ST8SIA1: variants seen among roughly 807,000 people sequenced by gnomAD.
The protein encoded by ST8SIA1 is ST8 alpha-N-acetyl-neuraminide alpha-2,8-sialyltransferase 1, also known as alpha-N-acetylneuraminide alpha-2,8-sialyltransferase.
A neutral mutation model predicts 35.9 loss-of-function variants in ST8SIA1; 16 were observed. The observed-to-expected ratio is 0.45, with a 90% CI of 0.30 to 0.68. The LOEUF (loss-of-function observed/expected upper bound fraction) is 0.68. Ranked by LOEUF, ST8SIA1 falls within the 30% of genes least tolerant of loss-of-function variation. ST8SIA1 has a pLI of 0.09. For missense variants in ST8SIA1, 383 were observed against 453.6 expected, an observed-to-expected ratio of 0.84 and a Z score of 1.41; for synonymous variants, 170 against 169.6, an observed-to-expected ratio of 1.00 and a Z score of -0.02.
chr12:22,302,397 T>G (rs1331404196), intron 1 of ST8SIA1, among the ~76,000 whole-genome samples: 1 of 152,230 alleles, frequency 6.6e-6, no homozygotes, highest in Non-Finnish European at 1.5e-5. Flanking sequence ...ACCTGCCTAC[T>G]GATGTATGGA....
At chr12:22,271,047 C>A (rs1316898966) in intron 2 of ST8SIA1, among the ~76,000 whole-genome samples, 3 of 152,180 alleles carry the variant, frequency 2.0e-5, no homozygotes, top group Non-Finnish European at 4.4e-5. Flanking sequence ...TAGTTTACGT[C>A]TGCAGTTCCC....
At chr12:22,265,836 A>T (rs919524375) in intron 2 of ST8SIA1, among the ~76,000 whole-genome samples, 7 of 151,060 alleles carry the variant, frequency 4.6e-5, no homozygotes, top group Admixed American at 6.6e-5. Flanking sequence ...TCAATCCTTC[A>T]CTCTCATATC....
chr12:22,200,216 C>G lies in ST8SIA1; in HGVS notation c.*1336G>C, dbSNP rs1865034920. On this transcript the variant is annotated 3_prime_UTR_variant, in exon 5 of 5. Transcript: ENST00000396037. Reference sequence around the variant, plus strand: ...TCCGGGTAAGCATTTGGGGGTAAGACTTGCATCTTGTGCTGCTATGGGTAT... The same window carrying G: ...TCCGGGTAAGCATTTGGGGGTAAGAGTTGCATCTTGTGCTGCTATGGGTAT... 1.3e-5 allele frequency: 2 copies of G among 152,168 alleles called. No homozygotes were observed. Among genetic ancestry groups the G allele is most frequent in the African/African-American group, 4.8e-5 (2 of 41,444 alleles). 9.4% of individuals were successfully genotyped at this position (152,168 alleles called of 1,614,324 possible). A position where few individuals can be genotyped will look rare whatever the true frequency, so the allele number is the denominator to read the frequency against.
intron 4 of ST8SIA1, among the ~76,000 whole-genome samples, chr12:22,230,763 G>C (rs1038072531): frequency 7.2e-5 from 11 of 152,132 alleles, no homozygotes; most frequent in African/African-American, 2.4e-4. Flanking sequence ...GAGAAGATCT[G>C]AATCACAGGG....
chr12:22,297,510 C>A (rs1397485597), intron 1 of ST8SIA1, among the ~76,000 whole-genome samples: 5 of 151,982 alleles, frequency 3.3e-5, no homozygotes, highest in Non-Finnish European at 5.9e-5. Flanking sequence ...GTGCTATGAA[C>A]CATTTTCACA....
rs1226156717 is a variant in ST8SIA1 at position 22,320,986 on chromosome 12, A to G, written c.236+13011T>C. Among the ~76,000 whole-genome samples the G allele has an allele frequency of 1.9e-3, 238 of 123,926 alleles. 10 individuals carry two copies. The South Asian group carries it at 0.052, about 27-fold the overall frequency. The allele number at this position is 123,926 out of a possible 152,430, so 81.3% of individuals were successfully genotyped here. On this transcript the variant is annotated intron_variant, in intron 1 of 4. Coordinates refer to ENST00000396037, the MANE Select transcript of ST8SIA1 (RefSeq NM_003034.4). ...AAGAAAGAAAGAAAGAAAGAAAGAA[A>G]GAAAGAAAGAAAGAAAGAAGAAAGA...
chr12:22,309,268 G>A (rs1866420867), intron 1 of ST8SIA1, among the ~76,000 whole-genome samples: 1 of 152,144 alleles, frequency 6.6e-6, no homozygotes, highest in Non-Finnish European at 1.5e-5. Flanking sequence ...AGACTAAAGA[G>A]AAACCGGCCC....
At chr12:22,247,674 A>C (rs924387085) in intron 4 of ST8SIA1, among the ~76,000 whole-genome samples, 3 of 152,142 alleles carry the variant, frequency 2.0e-5, no homozygotes, top group African/African-American at 7.2e-5. Flanking sequence ...CAGAGTAAGA[A>C]AGATCATCCA....
chr12:22,316,237 C>A (rs959711252), intron 1 of ST8SIA1, among the ~76,000 whole-genome samples: 3 of 151,994 alleles, frequency 2.0e-5, no homozygotes, highest in African/African-American at 7.2e-5. Flanking sequence ...GACAAAGAAA[C>A]AGTGATTGGC....
chr12:22,223,740 C>G, intron 4 of ST8SIA1: 1 of 1,258,644 alleles, frequency 7.9e-7, no homozygotes, highest in Non-Finnish European at 1.0e-6. Flanking sequence ...AATCAAGAAT[C>G]TATTTCTTCA....
intron 4 of ST8SIA1, among the ~76,000 whole-genome samples, chr12:22,224,012 T>C (rs915278338): frequency 6.6e-6 from 1 of 152,342 alleles, no homozygotes; most frequent in South Asian, 2.1e-4. Flanking sequence ...ACATGTCAAT[T>C]CTTTTGTTTT....
intron 2 of ST8SIA1, among the ~76,000 whole-genome samples, chr12:22,278,460 A>G (rs114447042): frequency 2.0e-5 from 3 of 152,226 alleles, no homozygotes; most frequent in African/African-American, 7.2e-5. Context: ...AAAGACAATC[A>G]GGAAATTTAT....
At chr12:22,209,554 C>T (rs1865154498) in intron 4 of ST8SIA1, among the ~76,000 whole-genome samples, 1 of 152,068 alleles carries the variant, frequency 6.6e-6, no homozygotes, top group Admixed American at 6.5e-5. Context: ...TATGAATTGC[C>T]ACTGACAGCT....
At chr12:22,296,555 A>T (rs897182771) in intron 1 of ST8SIA1, among the ~76,000 whole-genome samples, 2 of 152,164 alleles carry the variant, frequency 1.3e-5, no homozygotes, top group African/African-American at 2.4e-5. Flanking sequence ...TAATCATTTA[A>T]CACCATGCTC....
At chr12:22,318,473 G>C (rs1022959782) in intron 1 of ST8SIA1, among the ~76,000 whole-genome samples, 1 of 152,178 alleles carries the variant, frequency 6.6e-6, no homozygotes, top group African/African-American at 2.4e-5. Context: ...AGATAGTTAA[G>C]AGAGCAAAGA....
intron 2 of ST8SIA1, among the ~76,000 whole-genome samples, chr12:22,264,180 C>A (rs1865821711): frequency 6.6e-6 from 1 of 151,920 alleles, no homozygotes; most frequent in South Asian, 2.1e-4. Context: ...TAATTATAGC[C>A]CCCCTCTTAT....
In ST8SIA1 at chr12:22,249,379, C is replaced by T. The variant is rs897274719; in HGVS notation, c.492-281G>A. Among the ~76,000 whole-genome samples, 5 of 151,854 alleles carry T rather than the reference C, an allele frequency of 3.3e-5. No individual in the cohort carries two copies. In the South Asian group the frequency reaches 6.2e-4, roughly 19 times the overall value. On this transcript the variant is annotated intron_variant, in intron 3 of 4. Transcript: ENST00000396037. ...GACTACAGGCACCTGCCACCACACC[C>T]GGCTAATTTTTTTTGTATTTTTAGT...
chr12:22,285,886 A>AAAAC (rs1555160057), intron 2 of ST8SIA1, among the ~76,000 whole-genome samples: 2 of 109,714 alleles, frequency 1.8e-5, no homozygotes, highest in African/African-American at 5.7e-5. Flanking sequence ...ACAAAAAAAA[A>AAAAC]AAAAAAAAAA....
intron 1 of ST8SIA1, among the ~76,000 whole-genome samples, chr12:22,316,206 C>T (rs1866517886): frequency 6.6e-6 from 1 of 152,034 alleles, no homozygotes. Context: ...AAAAATATGA[C>T]ACAATAGCAC....
Sources: allele counts gnomAD v4.1 joint callset (sites outside exome capture counted in the v4.1 genomes callset), GRCh38; gene constraint gnomAD v4.1.1; transcripts MANE v1.5; gene names NCBI Gene and HGNC (gene_info 2026-07-23, HGNC 2026-07-21).